The following DNA2 variants were observed in gnomAD, a reference collection of about 807,000 sequenced individuals.
DNA2 encodes the protein DNA replication helicase/nuclease 2.
A neutral mutation model predicts 119.1 loss-of-function variants in DNA2; 101 were observed. That is an observed-to-expected ratio of 0.85 (90% CI 0.72 to 1.00). The LOEUF is 1.00. Ranked by LOEUF, DNA2 falls within the 50% of genes least tolerant of loss-of-function variation. The pLI is 0.00. For synonymous variants in DNA2, 366 were observed against 424.4 expected, an observed-to-expected ratio of 0.86 and a Z score of 1.69; for missense variants, 1,121 against 1,255.5, an observed-to-expected ratio of 0.89 and a Z score of 1.62.
At chr10:68,444,082 C>A (rs907590978) in intron 8 of DNA2, among the ~76,000 whole-genome samples, 3 of 152,084 alleles carry the variant, frequency 2.0e-5, no homozygotes, top group Non-Finnish European at 4.4e-5. Flanking sequence ...CATGGTGAAA[C>A]CCTATCTGTA....
rs148130108 is a variant in DNA2, at chr10:68,418,960, A to G, written c.2967+74T>C. 136 of 1,406,678 alleles carry G rather than the reference A, an allele frequency of 9.7e-5. No individual in the cohort carries two copies. In the African/African-American group the frequency reaches 1.5e-3, roughly 15 times the overall value. 87.1% of individuals were successfully genotyped at this position (1,406,678 alleles called of 1,614,324 possible). ...GGGGCTGGGATTACAGGTGTGAGCC[A>G]CCGCGCCCGGCCCACAATTTTTAAA... On this transcript the variant is annotated intron_variant, in intron 19 of 20. Coordinates refer to ENST00000358410, the MANE Select transcript of DNA2 (RefSeq NM_001080449.3).
intron 3 of DNA2, among the ~76,000 whole-genome samples, chr10:68,466,475 GA>G (rs147636877): frequency 0.089 from 13,503 of 150,982 alleles, 924 homozygotes; most frequent in South Asian, 0.25. Context: ...TGTTTGGGAA[GA>G]AAAAAAATTT....
intron 14 of DNA2, among the ~76,000 whole-genome samples, chr10:68,425,217 C>A (rs2051722973): frequency 6.6e-6 from 1 of 151,068 alleles, no homozygotes; most frequent in Non-Finnish European, 1.5e-5. Flanking sequence ...GCCTAAGCCT[C>A]CCGAGTAGCT....
Position 68,459,092 on chromosome 10 carries a change from T to C in DNA2, c.719+12A>G, listed in dbSNP as rs768731230. ...ATGAAGACTATATATATAAACAAAA[T>C]GTGTTTCTTACAGAGAGAGCTGCAT... On this transcript the variant is annotated intron_variant, in intron 5 of 20. Coordinates refer to ENST00000358410, the MANE Select transcript of DNA2 (RefSeq NM_001080449.3). 6.3e-7 allele frequency: 1 copy of C among 1,578,482 alleles called. No individual in the cohort carries two copies. The highest frequency in any genetic ancestry group is 1.2e-5 in the South Asian group (1 of 84,578).
chr10:68,424,991 G>A, intron 14 of DNA2: 1 of 568,210 alleles, frequency 1.8e-6, no homozygotes. Context: ...AGAAAATGCA[G>A]GAATAAATAT....
chr10:68,432,440 T>A lies in DNA2; in HGVS notation c.1717A>T (p.Thr573Ser). The change falls in exon 11 of 21, where the codon ACC (threonine) becomes TCC (serine). Residue 573 changes from threonine to serine, a missense_variant. By Grantham distance (58) the Thr-to-Ser change is moderately conservative. Transcript: ENST00000358410. ...AATTTGGAAAGATTTCCTAATGGGG[T>A]ATCTATATCACAATTTTTTTCTTCT... ...DQEEKNCDID[T>S]PLGNLSKLME... The A allele has an allele frequency of 6.3e-7, 1 of 1,597,232 alleles. No homozygotes were observed. The highest frequency in any genetic ancestry group is 8.5e-7 in the Non-Finnish European group (1 of 1,171,690).
intron 9 of DNA2, among the ~76,000 whole-genome samples, chr10:68,442,009 C>G (rs1564886853): frequency 1.3e-5 from 2 of 151,638 alleles, no homozygotes; most frequent in Non-Finnish European, 2.9e-5. Context: ...CTCACTGCAA[C>G]CTTCACCTCT....
At chr10:68,423,434 G>A (rs527941343) in intron 14 of DNA2, among the ~76,000 whole-genome samples, 1 of 152,166 alleles carries the variant, frequency 6.6e-6, no homozygotes, top group Non-Finnish European at 1.5e-5. Context: ...AGGAGCCACG[G>A]CACACCAGTG....
At chr10:68,431,210 C>CA (rs35710729) in intron 13 of DNA2, among the ~76,000 whole-genome samples, 4,550 of 78,206 alleles carry the variant, frequency 0.058, 268 homozygotes, top group African/African-American at 0.2. Flanking sequence ...GACTCCATCT[C>CA]AAAAAAAAAA....
chr10:68,426,125 G>T (rs2051737455), intron 14 of DNA2, among the ~76,000 whole-genome samples: 2 of 151,988 alleles, frequency 1.3e-5, no homozygotes. Flanking sequence ...GACAGAGGAA[G>T]ATTCTGTCTC....
At chr10:68,458,778 G>GCGGAGGTTGC (rs1215604927) in intron 5 of DNA2, among the ~76,000 whole-genome samples, 1 of 152,138 alleles carries the variant, frequency 6.6e-6, no homozygotes, top group South Asian at 2.1e-4. Flanking sequence ...AACCTGGGAG[G>GCGGAGGTTGC]CGGAGGTTGC....
intron 14 of DNA2, 48 bp from the exon 15 acceptor site, chr10:68,422,938 T>C: frequency 2.9e-6 from 4 of 1,358,464 alleles, no homozygotes; most frequent in Non-Finnish European, 9.9e-7. Context: ...AAAAGAAATG[T>C]AGTTTTGTTT....
chr10:68,467,117 A>G (rs1179084884), intron 3 of DNA2, among the ~76,000 whole-genome samples: 1 of 152,004 alleles, frequency 6.6e-6, no homozygotes. Flanking sequence ...CCCAAAATAC[A>G]TTTTTGTTTG....
In DNA2 at chr10:68,422,250, G is replaced by A; in HGVS notation, c.2672C>T (p.Pro891Leu). The stretch of plus-strand genomic sequence containing the variant: ...CTTGTCTGTATTAAGGAAACAAACA[G>A]GATTGTTGGGTTCAAATACTCCCAT... The part of the protein sequence containing the change: ...WLMGVFEPNN[P>L]VCFLNTDKVP... The change falls in exon 17 of 21, where the codon CCT (proline) becomes CTT (leucine). Residue 891 changes from proline to leucine, a missense_variant. By Grantham distance (98) the Pro-to-Leu change is moderately conservative. Coordinates refer to ENST00000358410, the MANE Select transcript of DNA2 (RefSeq NM_001080449.3). 1 of 1,609,618 alleles carries A rather than the reference G, an allele frequency of 6.2e-7. No individual in the cohort carries two copies. Among genetic ancestry groups the A allele is most frequent in the African/African-American group, 1.3e-5 (1 of 74,880 alleles).
chr10:68,442,217 G>A (rs2051978529), intron 9 of DNA2, among the ~76,000 whole-genome samples: 1 of 149,852 alleles, frequency 6.7e-6, no homozygotes, highest in African/African-American at 2.5e-5. Context: ...CCTGACAAAA[G>A]TAATTTTTTT....
At chr10:68,447,330 C>T (rs2052053382) in intron 6 of DNA2, among the ~76,000 whole-genome samples, 1 of 151,344 alleles carries the variant, frequency 6.6e-6, no homozygotes, top group Non-Finnish European at 1.5e-5. Context: ...CCAGCCTGGC[C>T]AACATAGTGA....
At chr10:68,424,987 T>G in intron 14 of DNA2, 1 of 585,562 alleles carries the variant, frequency 1.7e-6, no homozygotes, top group South Asian at 1.8e-5. Context: ...ATTGAGAAAA[T>G]GCAGGAATAA....
Position 68,414,983 on chromosome 10 carries a change from G to T in DNA2, c.*56C>A. On this transcript the variant is annotated 3_prime_UTR_variant, in exon 21 of 21. Coordinates refer to ENST00000358410, the MANE Select transcript of DNA2 (RefSeq NM_001080449.3). ...TGTATGGTGATAGAATTTTCTGTAT[G>T]GGCACTAGCTAGAGGAGATACTGCC... 2 of 1,077,418 alleles carry T rather than the reference G, an allele frequency of 1.9e-6. No individual in the cohort carries two copies. Among genetic ancestry groups the T allele is most frequent in the Non-Finnish European group, 1.4e-6 (1 of 740,590 alleles). 66.7% of individuals were successfully genotyped at this position (1,077,418 alleles called of 1,614,324 possible).
Position 68,450,130 on chromosome 10 carries a change from T to G in DNA2, c.837A>C (p.Thr279=). 1 of 1,607,628 alleles carries G rather than the reference T, an allele frequency of 6.2e-7. No individual in the cohort carries two copies. Among genetic ancestry groups the G allele is most frequent in the Non-Finnish European group, 8.5e-7 (1 of 1,176,542 alleles). ...RFGLKGKIDV[T]VGVKIHRGYK... is the part of the protein sequence containing the mutation. ...ACCCTCGATGTATTTTCACACCAACTGTAACATCTATTTTGCCTTTCAATC... is the reference window on the plus strand; with the variant it reads ...ACCCTCGATGTATTTTCACACCAACGGTAACATCTATTTTGCCTTTCAATC... Residue 279 remains threonine, a synonymous_variant, in exon 6 of 21, where the codon ACA becomes ACC. Coordinates refer to ENST00000358410, the MANE Select transcript of DNA2 (RefSeq NM_001080449.3).
Sources: allele counts gnomAD v4.1 joint callset (sites outside exome capture counted in the v4.1 genomes callset), GRCh38; gene constraint gnomAD v4.1.1; transcripts MANE v1.5; gene names NCBI Gene and HGNC (gene_info 2026-07-23, HGNC 2026-07-21).